ST6GALNAC6: variants seen among roughly 807,000 people sequenced by gnomAD.
ST6GALNAC6 encodes the protein alpha-N-acetylgalactosaminide alpha-2,6-sialyltransferase 6.
A neutral mutation model predicts 34.3 loss-of-function variants in ST6GALNAC6; 19 were observed. That is an observed-to-expected ratio of 0.55 (90% CI 0.39 to 0.81). The LOEUF (loss-of-function observed/expected upper bound fraction) is 0.81. Among genes scored for constraint, ST6GALNAC6 ranks in the 40% least tolerant of loss-of-function variants. The pLI, the probability that ST6GALNAC6 is intolerant of heterozygous loss-of-function variation, is 0.00. For missense variants in ST6GALNAC6, 377 were observed against 467.7 expected, an observed-to-expected ratio of 0.81 and a Z score of 1.79; for synonymous variants, 185 against 182.1, an observed-to-expected ratio of 1.02 and a Z score of -0.13.
chr9:127,905,277 A>G (rs1052739472), exon 1 of ST6GALNAC6: 3 of 985,486 alleles, frequency 3.0e-6, no homozygotes, highest in Non-Finnish European at 3.6e-6. Flanking sequence ...GACAGCCTTC[A>G]GTAGACCCCG....
chr9:127,899,672 G>A, upstream of ST6GALNAC6: 1 of 984,302 alleles, frequency 1.0e-6, no homozygotes, highest in Non-Finnish European at 1.2e-6. Context: ...GAGGTGGGCG[G>A]AGCCTCGGGG....
upstream of ST6GALNAC6, among the ~76,000 whole-genome samples, chr9:127,901,973 G>A (rs1050604969): frequency 1.3e-5 from 2 of 152,070 alleles, no homozygotes; most frequent in African/African-American, 4.8e-5. Flanking sequence ...CAAGAACAAT[G>A]GGGGAGGAAT....
At chr9:127,904,047 A>G (rs1437564444), upstream of ST6GALNAC6, 2 of 152,222 alleles carry the variant, frequency 1.3e-5, no homozygotes, top group Non-Finnish European at 2.9e-5. Flanking sequence ...GAACGACAGC[A>G]ACCATCTCAA....
chr9:127,887,301 C>T (rs1427116901), intron 6 of ST6GALNAC6, among the ~76,000 whole-genome samples, 183 bp downstream of exon 6: 1 of 152,016 alleles, frequency 6.6e-6, no homozygotes, highest in African/African-American at 2.4e-5. Flanking sequence ...TAAACTCTGG[C>T]GGAGCTTGGA....
intron 4 of ST6GALNAC6, among the ~76,000 whole-genome samples, chr9:127,893,346 G>T (rs1167881044): frequency 6.6e-6 from 1 of 152,160 alleles, no homozygotes; most frequent in Non-Finnish European, 1.5e-5. Context: ...CATTTCCACA[G>T]CACCCAGAAA....
chr9:127,901,792 G>C (rs1830768861), upstream of ST6GALNAC6, among the ~76,000 whole-genome samples: 1 of 151,938 alleles, frequency 6.6e-6, no homozygotes, highest in African/African-American at 2.4e-5. Flanking sequence ...AATTAGCCAG[G>C]TGTGGTGGTG....
intron 3 of ST6GALNAC6, among the ~76,000 whole-genome samples, chr9:127,895,945 C>T (rs1830425634): frequency 6.6e-6 from 1 of 152,220 alleles, no homozygotes; most frequent in Non-Finnish European, 1.5e-5. Flanking sequence ...GCCCACCCCT[C>T]TCTCCTGCAC....
At position 127,898,014 on chromosome 9, in the gene ST6GALNAC6, T is replaced by G; in HGVS notation, c.-29-4A>C. On this transcript the variant is annotated splice_polypyrimidine_tract_variant and splice_region_variant and intron_variant, in intron 1 of 6. Coordinates refer to ENST00000373146, the MANE Select transcript of ST6GALNAC6 (RefSeq NM_013443.5). ...CTCTGAGCCTCAGTTTCCTCATCTG[T>G]GAAATGGGAACAATAAGAGTCGGTA... The G allele has an allele frequency of 1.5e-6, 2 of 1,329,290 alleles. No homozygotes were observed. Among genetic ancestry groups the G allele is most frequent in the Non-Finnish European group, 2.1e-6 (2 of 934,262 alleles). The allele number at this position is 1,329,290 out of a possible 1,614,324, so 82.3% of individuals were successfully genotyped here.
Position 127,886,612 on chromosome 9 carries a change from G to C in ST6GALNAC6, c.989C>G (p.Pro330Arg), listed in dbSNP as rs756694441. 7 of 1,613,870 alleles carry C rather than the reference G, an allele frequency of 4.3e-6. No individual in the cohort carries two copies. In the South Asian group the frequency reaches 7.7e-5, roughly 18 times the overall value. Residue 330 changes from proline to arginine, a missense_variant, in exon 7 of 7, where the codon CCC becomes CGC. Physicochemically the swap from Pro to Arg is moderately radical, Grantham distance 103 (BLOSUM62 -2). Coordinates refer to ENST00000373146, the MANE Select transcript of ST6GALNAC6 (RefSeq NM_013443.5). ...AQLYGITFSHPSWT is the reference protein window; with the variant it reads ...AQLYGITFSHRSWT ...AGGCTGGGTGGCCTAGGTCCAGGAG[G>C]GGTGGGAGAAGGTGATGCCATACAG...
rs1830573097 is a variant in ST6GALNAC6 at position 127,897,955 on chromosome 9, C to G, written c.26+1G>C. On this transcript the variant is annotated splice_donor_variant, in intron 2 of 6. Transcript: ENST00000373146. LOFTEE classifies it high-confidence loss of function. Reference sequence around the variant, plus strand: ...GTGCGAATCCCGGTTTCACCACTTACTGGCTGGGGGGCCTCGAGCAAGCCA... The same window carrying G: ...GTGCGAATCCCGGTTTCACCACTTAGTGGCTGGGGGGCCTCGAGCAAGCCA... 4 of 1,611,086 alleles carry G rather than the reference C, an allele frequency of 2.5e-6. No individual in the cohort carries two copies. The African/African-American group carries it at 4.0e-5, about 16-fold the overall frequency.
At chr9:127,887,175 G>A (rs1030796445) in intron 6 of ST6GALNAC6, among the ~76,000 whole-genome samples, 1 of 152,146 alleles carries the variant, frequency 6.6e-6, no homozygotes, top group South Asian at 2.1e-4. Context: ...GCTGTGAGGA[G>A]TAAGTGAGAG....
At chr9:127,897,744 C>T in intron 2 of ST6GALNAC6, 1 of 1,243,318 alleles carries the variant, frequency 8.0e-7, no homozygotes, top group Non-Finnish European at 1.1e-6. Context: ...TTCAAGGCGC[C>T]CAGGGGTCCA....
intron 5 of ST6GALNAC6, among the ~76,000 whole-genome samples, chr9:127,889,216 C>T (rs1174480739): frequency 1.3e-5 from 2 of 151,852 alleles, no homozygotes; most frequent in Non-Finnish European, 2.9e-5. Flanking sequence ...GGGTGTGTGG[C>T]GCAAGCCTGT....
Position 127,890,713 on chromosome 9 carries a change from T to A in ST6GALNAC6, c.628A>T (p.Met210Leu). ...CCGGGAGAGACGGCATATGCTTCCA[T>A]GTTGGGGAACACCAGGCCCGCTCGC... ...IQRAGLVFPN[M>L]EAYAVSPGRM... The change falls in exon 5 of 7, where the codon ATG becomes TTG. Residue 210 changes from methionine to leucine, a missense_variant. Met to Leu is a conservative substitution (Grantham distance 15, BLOSUM62 2). Coordinates refer to ENST00000373146, the MANE Select transcript of ST6GALNAC6 (RefSeq NM_013443.5). This position sits in a 1 kb window ranked among gnomAD's most constrained non-coding sequence, Gnocchi z 4.3. The A allele has an allele frequency of 6.2e-7, 1 of 1,613,788 alleles. No individual in the cohort carries two copies. Among genetic ancestry groups the A allele is most frequent in the South Asian group, 1.1e-5 (1 of 91,074 alleles).
upstream of ST6GALNAC6, among the ~76,000 whole-genome samples, chr9:127,902,409 C>T (rs4623537): frequency 0.84 from 127,072 of 151,944 alleles, 55,417 homozygotes; most frequent in Non-Finnish European, 0.97. Flanking sequence ...ATCCGCCTGC[C>T]TCAGCCTTCC....
chr9:127,904,957 G>A (rs1436906319), intron 1 of ST6GALNAC6: 1 of 152,604 alleles, frequency 6.6e-6, no homozygotes, highest in South Asian at 2.1e-4. Context: ...AGGTGAAGCT[G>A]TGTGAACCGT....
In ST6GALNAC6 at chr9:127,894,050, G is replaced by T. The variant is rs117661504; in HGVS notation, c.297+462C>A. Among the ~76,000 whole-genome samples the T allele has an allele frequency of 2.9e-3, 438 of 152,216 alleles. 9 individuals carry two copies. The East Asian group carries it at 0.067, about 23-fold the overall frequency. The stretch of plus-strand genomic sequence containing the variant: ...CTTAGACATGTGACTTCACCTCTCG[G>T]AGCCTTGGTTACTCCATCTCACCAA... On this transcript the variant is annotated intron_variant, in intron 4 of 6. Coordinates refer to ENST00000373146, the MANE Select transcript of ST6GALNAC6 (RefSeq NM_013443.5).
intron 4 of ST6GALNAC6, 74 bp from the exon 5 acceptor site, chr9:127,891,117 A>C: frequency 1.3e-6 from 2 of 1,520,174 alleles, no homozygotes. Context: ...CCAGGCCTCC[A>C]GGACCCAGGA....
chr9:127,896,268 G>A lies in ST6GALNAC6; in HGVS notation c.91C>T (p.Arg31Cys), dbSNP rs146516243. 146 of 1,614,020 alleles carry A rather than the reference G, an allele frequency of 9.0e-5. No individual in the cohort carries two copies. The Middle Eastern group carries it at 2.3e-3, about 25-fold the overall frequency. Residue 31 changes from arginine to cysteine, a missense_variant, in exon 3 of 7, where the codon CGC becomes TGC. Physicochemically the swap from Arg to Cys is radical, Grantham distance 180. Transcript: ENST00000373146. ...AGRRHLPLSRRRREMSSNKEQ... is the reference protein window; with the variant it reads ...AGRRHLPLSRCRREMSSNKEQ... ...TTGTTGCTACTCATTTCTCTCCGGC[G>A]TCTGCTGAGGGGTAGGTGTCGGCGT...
Sources: allele counts gnomAD v4.1 joint callset (sites outside exome capture counted in the v4.1 genomes callset), GRCh38; gene constraint gnomAD v4.1.1; non-coding constraint Gnocchi (gnomAD v3.1); transcripts MANE v1.5; gene names NCBI Gene and HGNC (gene_info 2026-07-23, HGNC 2026-07-21).